Variants in GBE1 observed in about 807,000 individuals in gnomAD.
The protein encoded by GBE1 is 1,4-alpha-glucan branching enzyme 1.
GBE1 carries 70 observed loss-of-function variants against 88.8 expected under a neutral mutation model. The observed-to-expected ratio is 0.79, with a 90% CI of 0.65 to 0.96. The LOEUF (loss-of-function observed/expected upper bound fraction) is 0.96. Among genes scored for constraint, GBE1 ranks in the 40% least tolerant of loss-of-function variants. GBE1 has a pLI of 0.00. For missense variants in GBE1, 872 were observed against 871.0 expected (o/e 1.00, Z -0.01); for synonymous variants, 284 against 300.1 (o/e 0.95, Z 0.56).
chr3:81,646,312 T>C (rs1275797777), intron 6 of GBE1, 80 bp downstream of exon 6: 4 of 937,504 alleles, frequency 4.3e-6, no homozygotes, highest in East Asian at 2.5e-5. Context: ...CACGATGTTA[T>C]AAAAAATGAA....
chr3:81,692,251 G>A (rs1336409295), intron 2 of GBE1, among the ~76,000 whole-genome samples: 1 of 152,160 alleles, frequency 6.6e-6, no homozygotes, highest in East Asian at 1.9e-4. Flanking sequence ...AATAAGTTTG[G>A]AGCCCTCTAA....
intron 4 of GBE1, among the ~76,000 whole-genome samples, chr3:81,649,376 T>C (rs1704812828): frequency 6.6e-6 from 1 of 152,074 alleles, no homozygotes; most frequent in African/African-American, 2.4e-5. Flanking sequence ...GTCACTAATA[T>C]GGCGGTAAAA....
chr3:81,533,793 T>C (rs1416884900), intron 14 of GBE1, among the ~76,000 whole-genome samples: 2 of 152,050 alleles, frequency 1.3e-5, no homozygotes, highest in East Asian at 3.9e-4. Flanking sequence ...CTTGAAGAGA[T>C]GCACAAAAAA....
At chr3:81,555,671 C>A (rs1327636177) in intron 12 of GBE1, among the ~76,000 whole-genome samples, 1 of 152,132 alleles carries the variant, frequency 6.6e-6, no homozygotes, top group Admixed American at 6.6e-5. Context: ...TGATCAGGAC[C>A]CAGGTTTCCT....
At chr3:81,539,318 A>G (rs1703116484) in intron 12 of GBE1, among the ~76,000 whole-genome samples, 1 of 151,988 alleles carries the variant, frequency 6.6e-6, no homozygotes, top group Admixed American at 6.6e-5. Flanking sequence ...AATGCATCAG[A>G]GTGAGAAAGT....
rs544588704 is a variant in GBE1, at chr3:81,554,937, C to G, written c.1619-17842G>C. Among the ~76,000 whole-genome samples the G allele has an allele frequency of 2.0e-5, 3 of 152,186 alleles. No homozygotes were observed. The South Asian group carries it at 6.2e-4, about 32-fold the overall frequency. On this transcript the variant is annotated intron_variant, in intron 12 of 15. Coordinates refer to ENST00000429644, the MANE Select transcript of GBE1 (RefSeq NM_000158.4). ...ATTGGTTTGCCTTTGGATGATGCTTCTATTGCTCCAGGTTCCTGCCAACAG... is the reference window on the plus strand; with the variant it reads ...ATTGGTTTGCCTTTGGATGATGCTTGTATTGCTCCAGGTTCCTGCCAACAG...
chr3:81,638,385 C>A (rs569580922), intron 7 of GBE1, among the ~76,000 whole-genome samples: 5 of 152,062 alleles, frequency 3.3e-5, no homozygotes, highest in Non-Finnish European at 5.9e-5. Context: ...ATTTAACGAA[C>A]AAAAGATATT....
intron 14 of GBE1, among the ~76,000 whole-genome samples, chr3:81,529,972 C>T (rs1000680685): frequency 2.0e-5 from 3 of 151,702 alleles, no homozygotes; most frequent in South Asian, 4.2e-4. Context: ...TTTAGATTTG[C>T]TTTTTTGAGG....
intron 2 of GBE1, among the ~76,000 whole-genome samples, chr3:81,697,260 A>G (rs1254807534): frequency 6.6e-6 from 1 of 152,054 alleles, no homozygotes; most frequent in Non-Finnish European, 1.5e-5. Context: ...ACAGACAAAG[A>G]CACGCATAGG....
At chr3:81,510,466 A>G (rs1702710700) in intron 14 of GBE1, among the ~76,000 whole-genome samples, 1 of 152,134 alleles carries the variant, frequency 6.6e-6, no homozygotes, top group African/African-American at 2.4e-5. Flanking sequence ...CTAGTGTCCC[A>G]TGAAAAACTG....
intron 12 of GBE1, among the ~76,000 whole-genome samples, chr3:81,547,788 G>A (rs1044045300): frequency 1.3e-5 from 2 of 151,276 alleles, no homozygotes; most frequent in African/African-American, 4.8e-5. Flanking sequence ...TAGCAAATCT[G>A]GTGTGCTTTG....
chr3:81,634,433 T>G (rs948701327), intron 7 of GBE1, among the ~76,000 whole-genome samples: 1 of 152,220 alleles, frequency 6.6e-6, no homozygotes, highest in African/African-American at 2.4e-5. Flanking sequence ...TAATTCTATA[T>G]AGTATACATG....
intron 12 of GBE1, among the ~76,000 whole-genome samples, chr3:81,556,702 G>C (rs1703353942): frequency 6.6e-6 from 1 of 152,044 alleles, no homozygotes; most frequent in Admixed American, 6.6e-5. Context: ...CCTGTGAAAT[G>C]ATGTATTTAA....
rs1245333229 is a variant in GBE1, at chr3:81,705,598, G to T, written c.159C>A (p.Ser53Arg). The change falls in exon 2 of 16, where the codon AGC (serine) becomes AGA (arginine). Residue 53 changes from serine to arginine, a missense_variant. Physicochemically the swap from Ser to Arg is moderately radical, Grantham distance 110. Coordinates refer to ENST00000429644, the MANE Select transcript of GBE1 (RefSeq NM_000158.4). ...TTTCTCCAATGTTCTTCAAAATTTG[G>T]CTAAACTGCTTATACCTTTGAAGAA... ...VDFQRRYKQFSQILKNIGENE... is the reference protein window; with the variant it reads ...VDFQRRYKQFRQILKNIGENE... 3.8e-6 allele frequency: 6 copies of T among 1,559,262 alleles called. No individual in the cohort carries two copies. In the African/African-American group the frequency reaches 8.2e-5, roughly 21 times the overall value.
At chr3:81,522,581 T>C (rs1702890902) in intron 14 of GBE1, among the ~76,000 whole-genome samples, 1 of 151,554 alleles carries the variant, frequency 6.6e-6, no homozygotes, top group Non-Finnish European at 1.5e-5. Flanking sequence ...AAAAACATGA[T>C]ACAATTCTCC....
chr3:81,619,714 ACACT>A (rs1162921984), intron 7 of GBE1, among the ~76,000 whole-genome samples: 1 of 152,100 alleles, frequency 6.6e-6, no homozygotes, highest in Non-Finnish European at 1.5e-5. Context: ...TAGGTTGGAG[ACACT>A]CACATTTAAA....
rs2107072385 is a variant in GBE1 at position 81,648,974 on chromosome 3, T to C, written c.573A>G (p.Pro191=). 2.5e-6 allele frequency: 4 copies of C among 1,583,898 alleles called. No homozygotes were observed. The highest frequency in any genetic ancestry group is 2.3e-5 in the East Asian group (1 of 44,196). ...AAATTCTTAGACTCCGTGGCTTCTT[T>C]GGTCTGGAATGCTTAAACTACAGAA... ...EHSYEFKHSR[P]KKPRSLRIYE... The change falls in exon 5 of 16, where the codon CCA becomes CCG. Residue 191 remains proline, a synonymous_variant. Coordinates refer to ENST00000429644, the MANE Select transcript of GBE1 (RefSeq NM_000158.4).
At chr3:81,696,995 A>G (rs542170130) in intron 2 of GBE1, among the ~76,000 whole-genome samples, 1 of 152,052 alleles carries the variant, frequency 6.6e-6, no homozygotes, top group Non-Finnish European at 1.5e-5. Flanking sequence ...GCAGACACCA[A>G]CTGGGTGTCC....
At chr3:81,596,494 C>T (rs1391945186) in intron 7 of GBE1, among the ~76,000 whole-genome samples, 4 of 151,748 alleles carry the variant, frequency 2.6e-5, no homozygotes, top group Non-Finnish European at 5.9e-5. Context: ...AATAACTAGT[C>T]TTATAAGGGT....
Sources: gnomAD v4.1 joint callset for allele counts (sites outside exome capture counted in the v4.1 genomes callset) on GRCh38, gnomAD v4.1.1 for gene constraint, MANE v1.5 for transcripts, NCBI Gene and HGNC (gene_info 2026-07-23, HGNC 2026-07-21) for gene names.